GPHN: variants seen among roughly 807,000 people sequenced by gnomAD.
GPHN encodes gephyrin.
A neutral mutation model predicts 95.5 loss-of-function variants in GPHN; 17 were observed. That is an observed-to-expected ratio of 0.18 (90% CI 0.12 to 0.27). The LOEUF (loss-of-function observed/expected upper bound fraction) is 0.27, where lower values mean the gene tolerates loss of function less well. Among genes scored for constraint, GPHN ranks in the 10% least tolerant of loss-of-function variants. The pLI is 1.00. For missense variants in GPHN, 660 were observed against 978.1 expected, an observed-to-expected ratio of 0.67 and a Z score of 4.34; for synonymous variants, 320 against 322.5, an observed-to-expected ratio of 0.99 and a Z score of 0.08.
At chr14:66,995,726 T>C (rs967491650) in intron 9 of GPHN, among the ~76,000 whole-genome samples, 9 of 152,176 alleles carry the variant, frequency 5.9e-5, no homozygotes, top group Non-Finnish European at 1.2e-4. Context: ...AATGGAATAG[T>C]TGAAACAGGA....
At chr14:67,298,808 G>A in the GPHN span, among the ~76,000 whole-genome samples, 3 of 152,036 alleles carry the variant, frequency 2.0e-5, no homozygotes, top group African/African-American at 7.2e-5. Flanking sequence ...TCTCTCCCAC[G>A]GCCCTTTGCG....
intron 1 of GPHN, among the ~76,000 whole-genome samples, chr14:66,619,265 T>C (rs1035751955): frequency 6.6e-5 from 10 of 152,150 alleles, no homozygotes; most frequent in Non-Finnish European, 1.3e-4. Flanking sequence ...GGCTAGATCA[T>C]TGGGTAGCTG....
chr14:67,286,577 C>T, the GPHN span, among the ~76,000 whole-genome samples: 10 of 151,902 alleles, frequency 6.6e-5, no homozygotes, highest in Admixed American at 1.3e-4. Flanking sequence ...TGTTCTTAGC[C>T]GGGCGTGGTG....
At chr14:66,827,934 T>C (rs2061441308) in intron 4 of GPHN, among the ~76,000 whole-genome samples, 1 of 152,064 alleles carries the variant, frequency 6.6e-6, no homozygotes, top group South Asian at 2.1e-4. Context: ...ATTTTATTCT[T>C]AAAGTTTTTC....
chr14:67,245,375 A>G, the GPHN span, among the ~76,000 whole-genome samples: 1 of 151,884 alleles, frequency 6.6e-6, no homozygotes, highest in African/African-American at 2.4e-5. Flanking sequence ...TTTTCTTTGC[A>G]TTTCCCCCAT....
chr14:67,585,630 C>T, the GPHN span: 2 of 1,576,892 alleles, frequency 1.3e-6, no homozygotes, highest in African/African-American at 2.7e-5. Flanking sequence ...AGGATGGCGT[C>T]AGCATCCTGG....
chr14:67,055,322 C>T (rs893417206), intron 10 of GPHN, among the ~76,000 whole-genome samples: 4 of 152,220 alleles, frequency 2.6e-5, no homozygotes, highest in Non-Finnish European at 5.9e-5. Context: ...AAAAGCTCAA[C>T]ATCACTGATC....
Position 66,763,208 on chromosome 14 carries a change from ATTT to A in GPHN, c.144-13248_144-13246del, listed in dbSNP as rs34269319. 1.9e-3 allele frequency among the ~76,000 whole-genome samples: 272 copies of A among 145,692 alleles called. 1 individual carries two copies. Among genetic ancestry groups the A allele is most frequent in the African/African-American group, 6.3e-3 (254 of 40,484 alleles). On this transcript the variant is annotated intron_variant, in intron 2 of 22. Coordinates refer to ENST00000478722, the MANE Select transcript of GPHN (RefSeq NM_020806.5). ...TAATAAAAAATACCATATTACAACT[ATTT>A]TTTTTTTAATCTTTTTTTTTTTTTC...
intron 9 of GPHN, among the ~76,000 whole-genome samples, chr14:67,007,624 A>G (rs535120129): frequency 2.6e-5 from 4 of 152,350 alleles, no homozygotes; most frequent in African/African-American, 9.6e-5. Flanking sequence ...TTACTATTAC[A>G]GGTCAATGAC....
intron 10 of GPHN, among the ~76,000 whole-genome samples, chr14:67,026,555 A>G (rs143254442): frequency 8.5e-5 from 13 of 152,354 alleles, no homozygotes; most frequent in African/African-American, 2.9e-4. Flanking sequence ...CCAGAGTTAA[A>G]TAAGTTGCTT....
the GPHN span, among the ~76,000 whole-genome samples, chr14:67,675,852 T>C: frequency 1.3e-5 from 2 of 152,094 alleles, no homozygotes; most frequent in Non-Finnish European, 2.9e-5. Context: ...TCCCAGCACT[T>C]TGGGAGGCCG....
chr14:67,016,267 A>G (rs2073305856), intron 9 of GPHN, among the ~76,000 whole-genome samples: 1 of 152,056 alleles, frequency 6.6e-6, no homozygotes, highest in African/African-American at 2.4e-5. Context: ...AAAATAAAAT[A>G]TATAACATTA....
Position 66,847,785 on chromosome 14 carries a change from T to A in GPHN, c.294+23219T>A, listed in dbSNP as rs182832916. On this transcript the variant is annotated intron_variant, in intron 4 of 22. Coordinates refer to ENST00000478722, the MANE Select transcript of GPHN (RefSeq NM_020806.5). ...AACTTTTGTGAAGTTTCACTTTTTT[T>A]ATTTTGAATATAGATAATAACAGTA... Among the ~76,000 whole-genome samples, 610 of 152,234 alleles carry A rather than the reference T, an allele frequency of 4.0e-3. 2 individuals carry two copies. Among genetic ancestry groups the A allele is most frequent in the African/African-American group, 0.014 (574 of 41,558 alleles).
the GPHN span, among the ~76,000 whole-genome samples, chr14:67,298,099 A>G: frequency 4.6e-5 from 7 of 152,070 alleles, no homozygotes; most frequent in Admixed American, 3.9e-4. Flanking sequence ...GAAAAGACGA[A>G]AGAATCAGAT....
intron 1 of GPHN, among the ~76,000 whole-genome samples, chr14:66,561,674 G>T (rs2060252696): frequency 6.6e-6 from 1 of 151,978 alleles, no homozygotes; most frequent in Admixed American, 6.6e-5. Flanking sequence ...TCTAGAATTA[G>T]GCTGAGTAAA....
chr14:67,589,492 A>G, the GPHN span: 6 of 984,936 alleles, frequency 6.1e-6, no homozygotes, highest in South Asian at 1.4e-4. Context: ...CTGAAATACT[A>G]TGATCTTGTT....
chr14:67,059,134 G>A, intron 11 of GPHN: 1 of 326,124 alleles, frequency 3.1e-6, no homozygotes, highest in Non-Finnish European at 5.5e-6. Context: ...CTCTGAGTCT[G>A]TATGATGTCC....
the GPHN span, among the ~76,000 whole-genome samples, chr14:67,477,543 C>T: frequency 6.6e-6 from 1 of 152,272 alleles, no homozygotes; most frequent in South Asian, 2.1e-4. Context: ...CCGGCCAGAC[C>T]TCTTTCCTGT....
chr14:67,676,494 G>T, the GPHN span, among the ~76,000 whole-genome samples: 1 of 152,194 alleles, frequency 6.6e-6, no homozygotes, highest in African/African-American at 2.4e-5. Flanking sequence ...ACTTTGGGAG[G>T]CCAAGGTGGG....
Sources: allele counts gnomAD v4.1 joint callset (sites outside exome capture counted in the v4.1 genomes callset), GRCh38; gene constraint gnomAD v4.1.1; transcripts MANE v1.5; gene names NCBI Gene and HGNC (gene_info 2026-07-23, HGNC 2026-07-21).